The following CCDC136 variants were observed in gnomAD, a reference collection of about 807,000 sequenced individuals.
CCDC136 encodes the protein coiled-coil domain containing 136, also known as coiled-coil domain-containing protein 136.
CCDC136 carries 100 observed loss-of-function variants against 141.2 expected under a neutral mutation model. The ratio of observed to expected loss-of-function variants is 0.71; its 90% CI spans 0.60 to 0.84. The LOEUF (loss-of-function observed/expected upper bound fraction) is 0.84, where lower values mean the gene tolerates loss of function less well. Ranked by LOEUF, CCDC136 falls within the 40% of genes least tolerant of loss-of-function variation. The pLI is 0.00. For synonymous variants in CCDC136, 474 were observed against 531.9 expected (o/e 0.89, Z 1.50); for missense variants, 1,206 against 1,379.4 (o/e 0.87, Z 1.99).
upstream of CCDC136, chr7:128,791,261 C>A: frequency 3.0e-6 from 1 of 328,678 alleles, no homozygotes; most frequent in Non-Finnish European, 5.5e-6. This position sits in a 1 kb window ranked among gnomAD's most constrained non-coding sequence, Gnocchi z 7.1. Context: ...AGCCTTGGGG[C>A]GTATCCGGGG....
chr7:128,796,739 A>ATATATTTTT, intron 3 of CCDC136, among the ~76,000 whole-genome samples: 3 of 113,372 alleles, frequency 2.6e-5, no homozygotes, highest in African/African-American at 4.6e-5. Flanking sequence ...ATATATATAT[A>ATATATTTTT]TTCTTTTTTT....
At chr7:128,816,598 G>T (rs1055979726) in intron 16 of CCDC136, among the ~76,000 whole-genome samples, 4 of 152,140 alleles carry the variant, frequency 2.6e-5, no homozygotes, top group Non-Finnish European at 5.9e-5. Context: ...TGGGGTGGAG[G>T]TATCCTGGGA....
At chr7:128,806,575 T>A (rs1804872574) in intron 8 of CCDC136, 113 bp from the exon 9 acceptor site, 3 of 1,149,250 alleles carry the variant, frequency 2.6e-6, no homozygotes, top group Non-Finnish European at 2.4e-6. Flanking sequence ...CATTAGGAAG[T>A]GAAGGGCAGG....
chr7:128,818,825 C>G (rs1334263899), intron 17 of CCDC136, among the ~76,000 whole-genome samples: 1 of 152,278 alleles, frequency 6.6e-6, no homozygotes, highest in East Asian at 1.9e-4. Flanking sequence ...AAGGTATTCT[C>G]TCTAGTCCTG....
intron 17 of CCDC136, chr7:128,818,402 A>G (rs1806966915): frequency 6.5e-6 from 1 of 153,836 alleles, no homozygotes; most frequent in South Asian, 2.0e-4. Flanking sequence ...CATTGGTAGG[A>G]GGGCAACCTA....
rs753979292 is a variant in CCDC136, at chr7:128,801,241, C to T, written c.402C>T (p.Ser134=). The T allele has an allele frequency of 4.5e-5, 73 of 1,613,712 alleles. No individual in the cohort carries two copies. The highest frequency in any genetic ancestry group is 5.5e-5 in the South Asian group (5 of 91,076). The change falls in exon 4 of 18, where the codon AGC becomes AGT. Residue 134 remains serine, a synonymous_variant. Transcript: ENST00000297788. ...EISLLEHEKE[S]ELKEIEQELH... ...CCCTGTTAGAGCATGAGAAAGAAAGCGAACTTAAGGAAATAGAACAGGAAT... is the reference window on the plus strand; with the variant it reads ...CCCTGTTAGAGCATGAGAAAGAAAGTGAACTTAAGGAAATAGAACAGGAAT...
rs941387158 is a variant in CCDC136 at position 128,822,024 on chromosome 7, A to C, written c.*231A>C. On this transcript the variant is annotated 3_prime_UTR_variant, in exon 18 of 18. Coordinates refer to ENST00000297788, the MANE Select transcript of CCDC136 (RefSeq NM_022742.5). The stretch of plus-strand genomic sequence containing the variant: ...ATGTTCCATGTGTCCCCATCTCCTC[A>C]GCCTCAGTCACCCAGGCTGAAAAGG... The C allele has an allele frequency of 1.6e-6, 2 of 1,221,326 alleles. No homozygotes were observed. Among genetic ancestry groups the C allele is most frequent in the African/African-American group, 3.1e-5 (2 of 64,186 alleles). The allele number at this position is 1,221,326 out of a possible 1,614,324, so 75.7% of individuals were successfully genotyped here.
chr7:128,792,272 CG>C lies in CCDC136; in HGVS notation c.-139del. On this transcript the variant is annotated 5_prime_UTR_variant, in exon 1 of 18. It removes the in-frame stop codon of an upstream open reading frame in the 5' UTR. Coordinates refer to ENST00000297788, the MANE Select transcript of CCDC136 (RefSeq NM_022742.5). ...CCCTTCTTTCCTCTGCACCCCAGCC[CG>C]CAGCCAGCCCCCCACCCCCCAGCCC... 1.3e-6 allele frequency: 2 copies of C among 1,521,090 alleles called. No individual in the cohort carries two copies. The highest frequency in any genetic ancestry group is 2.6e-5 in the East Asian group (1 of 38,908). The allele number at this position is 1,521,090 out of a possible 1,614,324, so 94.2% of individuals were successfully genotyped here. A position where few individuals can be genotyped will look rare whatever the true frequency, so the allele number is the denominator to read the frequency against.
chr7:128,809,995 C>T, intron 11 of CCDC136, 144 bp from the exon 12 acceptor site: 1 of 613,686 alleles, frequency 1.6e-6, no homozygotes, highest in South Asian at 2.1e-5. Flanking sequence ...TAGAAGGGCT[C>T]CCCCGTCCCC....
intron 13 of CCDC136, 142 bp downstream of exon 13, chr7:128,812,454 T>TTA: frequency 2.1e-6 from 2 of 963,404 alleles, no homozygotes; most frequent in Non-Finnish European, 3.0e-6. Context: ...AGCGAAGCCC[T>TTA]CTACCCATGG....
intron 12 of CCDC136, chr7:128,811,160 A>T: frequency 2.7e-6 from 1 of 375,650 alleles, no homozygotes; most frequent in Admixed American, 3.0e-5. Context: ...AGAAGTCAAC[A>T]CTGTGAGGCT....
Position 128,792,423 on chromosome 7 carries a change from G to A in CCDC136, c.12G>A (p.Met4Ile). 6.2e-7 allele frequency: 1 copy of A among 1,607,090 alleles called. No homozygotes were observed. Among genetic ancestry groups the A allele is most frequent in the East Asian group, 2.3e-5 (1 of 44,408 alleles). Residue 4 changes from methionine (M) to isoleucine (I), a missense_variant, in exon 1 of 18, where the codon ATG becomes ATA. Physicochemically the swap from Met to Ile is conservative, Grantham distance 10. Transcript: ENST00000297788. ...TGGAACGACGGGGGATGCAAGCTATGGAGGGTGAGTTTTCCCAAAAGGCTT... is the reference window on the plus strand; with the variant it reads ...TGGAACGACGGGGGATGCAAGCTATAGAGGGTGAGTTTTCCCAAAAGGCTT... MQA[M>I]EGEVLLPALY...
At chr7:128,818,173 A>C in intron 17 of CCDC136, 1 of 327,336 alleles carries the variant, frequency 3.1e-6, no homozygotes, top group Non-Finnish European at 5.7e-6. Context: ...CTGCCTCACT[A>C]CTTCTTTATC....
Position 128,805,239 on chromosome 7 carries a change from C to A in CCDC136, c.783-120C>A. On this transcript the variant is annotated intron_variant, in intron 5 of 17. Coordinates refer to ENST00000297788, the MANE Select transcript of CCDC136 (RefSeq NM_022742.5). The surrounding 1 kb of genome is among the most constrained non-coding windows in gnomAD (Gnocchi z 4.6). ...AAGCATGTTTATCTGAGCGGTGAGT[C>A]ACAATAGAAGGCCCCTTACTATCTT... 2.5e-6 allele frequency: 2 copies of A among 789,360 alleles called. No individual in the cohort carries two copies. The highest frequency in any genetic ancestry group is 1.6e-5 in the South Asian group (1 of 64,100). 48.9% of individuals were successfully genotyped at this position (789,360 alleles called of 1,614,324 possible).
intron 10 of CCDC136, chr7:128,808,550 T>C: frequency 9.1e-6 from 9 of 985,364 alleles, no homozygotes; most frequent in Non-Finnish European, 1.1e-5. Flanking sequence ...GGAAAGGTGT[T>C]GAAGCATGTT....
At chr7:128,799,852 C>G (rs1192536913) in intron 3 of CCDC136, among the ~76,000 whole-genome samples, 1 of 152,220 alleles carries the variant, frequency 6.6e-6, no homozygotes, top group Non-Finnish European at 1.5e-5. Context: ...CTTTTACTCT[C>G]TCCACTTTTT....
Position 128,812,121 on chromosome 7 carries a change from A to C in CCDC136, c.2350A>C (p.Lys784Gln). 6.2e-7 allele frequency: 1 copy of C among 1,614,054 alleles called. No individual in the cohort carries two copies. ...TTACACCAGCACCCAGACCAGCAGCAAGAGCTTTCTCAAGAGCTATGACAG... is the reference window on the plus strand; with the variant it reads ...TTACACCAGCACCCAGACCAGCAGCCAGAGCTTTCTCAAGAGCTATGACAG... ...KSYTSTQTSS[K>Q]SFLKSYDSST... The change falls in exon 13 of 18, where the codon AAG (lysine) becomes CAG (glutamine). Residue 784 changes from lysine to glutamine, a missense_variant. Coordinates refer to ENST00000297788, the MANE Select transcript of CCDC136 (RefSeq NM_022742.5).
chr7:128,811,449 G>A, intron 12 of CCDC136: 14 of 450,718 alleles, frequency 3.1e-5, no homozygotes, highest in South Asian at 2.4e-4. Flanking sequence ...TGAAGGTCAG[G>A]ATAACAGGTA....
intron 3 of CCDC136, among the ~76,000 whole-genome samples, chr7:128,796,739 A>ATATATATATATATATATATATATTTTTT: frequency 8.8e-6 from 1 of 113,376 alleles, no homozygotes; most frequent in African/African-American, 4.6e-5. Flanking sequence ...ATATATATAT[A>ATATATATATATATATATATATATTTTTT]TTCTTTTTTT....
Sources: allele counts gnomAD v4.1 joint callset (sites outside exome capture counted in the v4.1 genomes callset), GRCh38; gene constraint gnomAD v4.1.1; non-coding constraint Gnocchi (gnomAD v3.1); transcripts MANE v1.5; gene names NCBI Gene and HGNC (gene_info 2026-07-23, HGNC 2026-07-21).